PTPRT: variants seen among roughly 807,000 people sequenced by gnomAD.
PTPRT encodes protein tyrosine phosphatase receptor type T, also known as receptor-type tyrosine-protein phosphatase T.
PTPRT carries 56 observed loss-of-function variants against 176.8 expected under a neutral mutation model. The ratio of observed to expected loss-of-function variants is 0.32; its 90% CI spans 0.26 to 0.40. The LOEUF is 0.40. Ranked by LOEUF, PTPRT falls within the 10% of genes least tolerant of loss-of-function variation. The probability of loss-of-function intolerance (pLI) is 1.00; values close to 1 mark genes in which losing one functional copy is unlikely to be tolerated. For synonymous variants in PTPRT, 783 were observed against 739.0 expected (o/e 1.06, Z -0.96); for missense variants, 1,540 against 1,908.2 (o/e 0.81, Z 3.60).
intron 11 of PTPRT, among the ~76,000 whole-genome samples, chr20:42,323,505 C>T (rs1271671696): frequency 1.3e-5 from 2 of 151,906 alleles, no homozygotes; most frequent in South Asian, 4.2e-4. Context: ...CAAACTATCG[C>T]AAGGACAAAA....
chr20:42,547,982 A>G (rs2072705477), intron 7 of PTPRT, among the ~76,000 whole-genome samples: 1 of 152,046 alleles, frequency 6.6e-6, no homozygotes, highest in African/African-American at 2.4e-5. Context: ...ATGATAACAA[A>G]AACTATAATA....
intron 15 of PTPRT, among the ~76,000 whole-genome samples, chr20:42,202,015 A>T (rs1030716261): frequency 6.7e-6 from 1 of 149,102 alleles, no homozygotes; most frequent in Non-Finnish European, 1.5e-5. Context: ...TGTTGCCTAC[A>T]CTGGAGTGCA....
intron 2 of PTPRT, among the ~76,000 whole-genome samples, chr20:42,850,002 G>A (rs2145755713): frequency 6.6e-6 from 1 of 152,262 alleles, no homozygotes; most frequent in East Asian, 1.9e-4. Context: ...TTACACAATG[G>A]ATAAGCCAAG....
intron 9 of PTPRT, among the ~76,000 whole-genome samples, chr20:42,393,519 T>C (rs1259072560): frequency 3.3e-5 from 5 of 152,024 alleles, no homozygotes; most frequent in African/African-American, 1.2e-4. Context: ...CAGCCACATC[T>C]GGGGTTCCAA....
At chr20:42,257,765 C>G (rs989865637) in intron 13 of PTPRT, among the ~76,000 whole-genome samples, 1 of 151,488 alleles carries the variant, frequency 6.6e-6, no homozygotes, top group African/African-American at 2.4e-5. Flanking sequence ...GCAGAAGCTG[C>G]TATGCGTCCT....
intron 9 of PTPRT, among the ~76,000 whole-genome samples, chr20:42,438,422 G>GC (rs1326261514): frequency 6.6e-6 from 1 of 152,078 alleles, no homozygotes; most frequent in Non-Finnish European, 1.5e-5. Flanking sequence ...GTGATCACAG[G>GC]CCCCCCTAGT....
At chr20:42,272,640 C>A (rs2056955981) in intron 13 of PTPRT, among the ~76,000 whole-genome samples, 1 of 152,148 alleles carries the variant, frequency 6.6e-6, no homozygotes, top group African/African-American at 2.4e-5. Context: ...AAAAGGCAGT[C>A]TGCTTAAGTA....
chr20:42,512,900 C>T (rs1247045221), intron 7 of PTPRT, among the ~76,000 whole-genome samples: 7 of 152,038 alleles, frequency 4.6e-5, no homozygotes, highest in African/African-American at 1.2e-4. Flanking sequence ...GCTCTTGTTG[C>T]CCAGACTGGA....
intron 17 of PTPRT, among the ~76,000 whole-genome samples, chr20:42,154,064 T>C (rs1249347754): frequency 6.6e-6 from 1 of 152,186 alleles, no homozygotes; most frequent in Non-Finnish European, 1.5e-5. Flanking sequence ...AGCCCAGGTA[T>C]TCCTGTTTTG....
intron 7 of PTPRT, among the ~76,000 whole-genome samples, chr20:42,669,575 G>A (rs2075378794): frequency 6.6e-6 from 1 of 152,282 alleles, no homozygotes. Context: ...TAAGAGTTAG[G>A]CCAAGTTATG....
At chr20:43,151,189 C>T (rs2014340301) in intron 1 of PTPRT, among the ~76,000 whole-genome samples, 1 of 151,872 alleles carries the variant, frequency 6.6e-6, no homozygotes, top group Non-Finnish European at 1.5e-5. Context: ...GCCTGTAATC[C>T]CAGCTACTAG....
intron 1 of PTPRT, among the ~76,000 whole-genome samples, chr20:43,061,494 T>C (rs1460388853): frequency 1.3e-5 from 2 of 152,212 alleles, no homozygotes; most frequent in South Asian, 2.1e-4. Context: ...TGAGCCCAGA[T>C]GGGCCTCTAG....
chr20:42,319,646 A>G (rs2057771736), intron 11 of PTPRT, among the ~76,000 whole-genome samples: 1 of 152,208 alleles, frequency 6.6e-6, no homozygotes, highest in Non-Finnish European at 1.5e-5. Context: ...AGGTGGAGAG[A>G]AGAAACAGCA....
chr20:43,126,804 G>A (rs1461349426), intron 1 of PTPRT, among the ~76,000 whole-genome samples: 2 of 152,210 alleles, frequency 1.3e-5, no homozygotes, highest in Non-Finnish European at 2.9e-5. Flanking sequence ...AGTGGTAGCA[G>A]GAAGAGCAGG....
At chr20:42,527,422 G>T (rs1292861167) in intron 7 of PTPRT, among the ~76,000 whole-genome samples, 1 of 152,124 alleles carries the variant, frequency 6.6e-6, no homozygotes, top group Non-Finnish European at 1.5e-5. Flanking sequence ...TGCTGACTTT[G>T]TTTAAGGTCT....
chr20:42,681,813 A>G (rs1333360272), intron 6 of PTPRT, among the ~76,000 whole-genome samples: 2 of 152,232 alleles, frequency 1.3e-5, no homozygotes, highest in African/African-American at 4.8e-5. Flanking sequence ...TTATGGATCC[A>G]TAAAGGGATA....
chr20:42,131,607 T>C (rs1056541830), intron 18 of PTPRT, among the ~76,000 whole-genome samples: 1 of 152,256 alleles, frequency 6.6e-6, no homozygotes, highest in African/African-American at 2.4e-5. Flanking sequence ...CAGATGATGG[T>C]GTTTGACAAC....
At chr20:42,564,195 C>T (rs2073001366) in intron 7 of PTPRT, among the ~76,000 whole-genome samples, 1 of 152,190 alleles carries the variant, frequency 6.6e-6, no homozygotes, top group African/African-American at 2.4e-5. Context: ...GTCTCCTTCA[C>T]AGAAAGAAAC....
chr20:43,123,192 T>C (rs1371295468), intron 1 of PTPRT, among the ~76,000 whole-genome samples: 1 of 152,204 alleles, frequency 6.6e-6, no homozygotes, highest in Non-Finnish European at 1.5e-5. Context: ...AATGGCCTAA[T>C]ACAACTTATT....
Sources: allele counts gnomAD v4.1 joint callset (sites outside exome capture counted in the v4.1 genomes callset), GRCh38; gene constraint gnomAD v4.1.1; transcripts MANE v1.5; gene names NCBI Gene and HGNC (gene_info 2026-07-23, HGNC 2026-07-21).